The following ATP2C2 variants were observed in gnomAD, a reference collection of about 807,000 sequenced individuals.
ATP2C2 encodes calcium-transporting ATPase type 2C member 2.
A neutral mutation model predicts 110.8 loss-of-function variants in ATP2C2; 171 were observed. That is an observed-to-expected ratio of 1.54 (90% CI 1.36 to 1.75). ATP2C2 has a LOEUF of 1.75. Ranked by LOEUF, ATP2C2 falls within the 40% of genes most tolerant of loss-of-function variation. The probability of loss-of-function intolerance (pLI) is 0.00; values close to 1 mark genes in which losing one functional copy is unlikely to be tolerated. For synonymous variants in ATP2C2, 804 were observed against 508.4 expected, an observed-to-expected ratio of 1.58 and a Z score of -7.82; for missense variants, 1,963 against 1,235.0, an observed-to-expected ratio of 1.59 and a Z score of -8.84.
intron 1 of ATP2C2, among the ~76,000 whole-genome samples, chr16:84,372,572 C>A (rs1311742963): frequency 1.3e-5 from 2 of 151,754 alleles, no homozygotes; most frequent in African/African-American, 4.8e-5. Context: ...TTACAGGCAC[C>A]CGCCACCACA....
Position 84,398,515 on chromosome 16 carries a change from A to C in ATP2C2, c.116A>C (p.Glu39Ala). 6.2e-7 allele frequency: 1 copy of C among 1,611,820 alleles called. No individual in the cohort carries two copies. Among genetic ancestry groups the C allele is most frequent in the Non-Finnish European group, 8.5e-7 (1 of 1,179,258 alleles). Residue 39 changes from glutamate to alanine, a missense_variant, in exon 2 of 27, where the codon GAG becomes GCG. By Grantham distance (107) the Glu-to-Ala change is moderately radical (BLOSUM62 -1). Transcript: ENST00000262429. ...TTTTCACAGATTGATGAACAGAGTGAGCTGAAAGCCATCGAGAAAGAGAAG... is the reference window on the plus strand; with the variant it reads ...TTTTCACAGATTGATGAACAGAGTGCGCTGAAAGCCATCGAGAAAGAGAAG... ...EEEALIDEQS[E>A]LKAIEKEKKV... is the part of the protein sequence containing the mutation.
intron 1 of ATP2C2, among the ~76,000 whole-genome samples, chr16:84,371,461 T>G (rs1254829080): frequency 6.6e-6 from 1 of 152,198 alleles, no homozygotes; most frequent in Admixed American, 6.5e-5. Flanking sequence ...GTTGTGATCA[T>G]GCCACTGTGC....
Position 84,377,177 on chromosome 16 carries a change from G to A in ATP2C2, c.99+8463G>A, listed in dbSNP as rs553998105. Among the ~76,000 whole-genome samples the A allele has an allele frequency of 4.6e-5, 7 of 152,244 alleles. No individual in the cohort carries two copies. The South Asian group carries it at 1.0e-3, about 23-fold the overall frequency. Reference sequence around the variant, plus strand: ...GTGCTAAGTCTTAGTAGTGGAAGCCGTGTGCTAAGTCTTAGTAGTGGAAGT... The same window carrying A: ...GTGCTAAGTCTTAGTAGTGGAAGCCATGTGCTAAGTCTTAGTAGTGGAAGT... On this transcript the variant is annotated intron_variant, in intron 1 of 26. Coordinates refer to ENST00000262429, the MANE Select transcript of ATP2C2 (RefSeq NM_014861.4).
At chr16:84,460,407 G>C (rs752914991) in intron 23 of ATP2C2, 1 of 576,864 alleles carries the variant, frequency 1.7e-6, no homozygotes, top group Non-Finnish European at 3.1e-6. Flanking sequence ...TGTGTGGTTG[G>C]CCTTACGGGG....
intron 6 of ATP2C2, 179 bp downstream of exon 6, chr16:84,410,944 A>G (rs1300435112): frequency 4.7e-6 from 3 of 642,864 alleles, no homozygotes; most frequent in South Asian, 1.8e-5. Flanking sequence ...GTCCTCGGGC[A>G]TGTCACTCAA....
At chr16:84,390,819 CAAAAG>C (rs946499192) in intron 1 of ATP2C2, among the ~76,000 whole-genome samples, 21 of 152,036 alleles carry the variant, frequency 1.4e-4, no homozygotes, top group African/African-American at 4.8e-4. Flanking sequence ...AAGGGAAACA[CAAAAG>C]AAAAGGGGGC....
chr16:84,459,809 C>T (rs1034069416), intron 23 of ATP2C2: 18 of 500,982 alleles, frequency 3.6e-5, no homozygotes, highest in Admixed American at 9.8e-5. Context: ...TGATCTGTCT[C>T]CCCTTTAGAA....
chr16:84,410,682 C>A (rs756965161), intron 5 of ATP2C2, 22 bp from the exon 6 acceptor site: 1 of 1,614,052 alleles, frequency 6.2e-7, no homozygotes, highest in South Asian at 1.1e-5. Context: ...TTAAACAGCA[C>A]ATCTGATGTG....
chr16:84,376,598 G>A (rs907143531), intron 1 of ATP2C2, among the ~76,000 whole-genome samples: 4 of 151,350 alleles, frequency 2.6e-5, no homozygotes, highest in African/African-American at 9.7e-5. Flanking sequence ...TGTGGCCCAA[G>A]ACAATTCTTC....
At chr16:84,380,751 G>T (rs888566346) in intron 1 of ATP2C2, among the ~76,000 whole-genome samples, 2 of 152,146 alleles carry the variant, frequency 1.3e-5, no homozygotes, top group African/African-American at 2.4e-5. Flanking sequence ...TGTACAATGG[G>T]GTAGTAACTA....
At chr16:84,376,034 G>A (rs893408433) in intron 1 of ATP2C2, among the ~76,000 whole-genome samples, 2 of 152,130 alleles carry the variant, frequency 1.3e-5, no homozygotes, top group African/African-American at 4.8e-5. Context: ...GATCCCCAGG[G>A]GTGGCGGTGT....
Position 84,459,186 on chromosome 16 carries a change from C to T in ATP2C2, c.2214C>T (p.Ser738=), listed in dbSNP as rs563554624. 3 of 1,614,204 alleles carry T rather than the reference C, an allele frequency of 1.9e-6. No homozygotes were observed. Among genetic ancestry groups the T allele is most frequent in the Admixed American group, 1.7e-5 (1 of 60,030 alleles). The stretch of plus-strand genomic sequence containing the variant: ...AAAACTTTGTCCGATTCCAGCTGAG[C>T]ACGTAAGTAGAGGCCAGCATTCCGA... ...NIKNFVRFQL[S]TSISALSLIT... The change falls in exon 22 of 27, where the codon AGC becomes AGT. Residue 738 remains serine, a splice_region_variant and synonymous_variant. Coordinates refer to ENST00000262429, the MANE Select transcript of ATP2C2 (RefSeq NM_014861.4).
At chr16:84,455,122 G>A (rs948450352) in intron 21 of ATP2C2, 138 bp downstream of exon 21, 2 of 1,134,904 alleles carry the variant, frequency 1.8e-6, no homozygotes, top group South Asian at 2.9e-5. Context: ...GGGCTCGTCA[G>A]TGTGGCAGGT....
intron 2 of ATP2C2, 62 bp downstream of exon 2, chr16:84,398,671 A>T: frequency 7.4e-7 from 1 of 1,356,848 alleles, no homozygotes; most frequent in East Asian, 2.4e-5. Context: ...AAAGAAAGCA[A>T]CACAAAGCCC....
At chr16:84,386,280 G>A (rs1318730026) in intron 1 of ATP2C2, among the ~76,000 whole-genome samples, 1 of 152,148 alleles carries the variant, frequency 6.6e-6, no homozygotes, top group Non-Finnish European at 1.5e-5. Flanking sequence ...TATGCTGCGA[G>A]ATCTATATTT....
At chr16:84,370,804 C>A (rs76145431) in intron 1 of ATP2C2, among the ~76,000 whole-genome samples, 1 of 152,032 alleles carries the variant, frequency 6.6e-6, no homozygotes, top group Non-Finnish European at 1.5e-5. Context: ...CCTCTAAGCC[C>A]TCCCCTCCCC....
chr16:84,446,124 C>T (rs867344697), intron 15 of ATP2C2, among the ~76,000 whole-genome samples: 1 of 151,666 alleles, frequency 6.6e-6, no homozygotes, highest in Non-Finnish European at 1.5e-5. Context: ...ACCGTCTTGT[C>T]TGCCCTTCAG....
At chr16:84,450,942 C>T (rs1051189877) in intron 17 of ATP2C2, among the ~76,000 whole-genome samples, 2 of 152,176 alleles carry the variant, frequency 1.3e-5, no homozygotes, top group African/African-American at 2.4e-5. Context: ...ATGTCCCATT[C>T]TGGGCCAGCT....
At chr16:84,425,822 C>G in intron 11 of ATP2C2, 21 bp downstream of exon 11, 1 of 1,613,224 alleles carries the variant, frequency 6.2e-7, no homozygotes, top group East Asian at 2.2e-5. Flanking sequence ...TATGGCCGCC[C>G]CTTGCCTTGC....
Sources: gnomAD v4.1 joint callset for allele counts (sites outside exome capture counted in the v4.1 genomes callset) on GRCh38, gnomAD v4.1.1 for gene constraint, MANE v1.5 for transcripts, NCBI Gene and HGNC (gene_info 2026-07-23, HGNC 2026-07-21) for gene names.